The following GPC6 variants were observed in gnomAD, a reference collection of about 807,000 sequenced individuals.
The protein encoded by GPC6 is glypican 6, also known as glypican-6.
In GPC6, 14 loss-of-function variants were observed where a neutral mutation model predicts 55.2. That is an observed-to-expected ratio of 0.25 (90% confidence interval 0.17 to 0.40). The LOEUF (loss-of-function observed/expected upper bound fraction) is 0.40. Ranked by LOEUF, GPC6 falls within the 10% of genes least tolerant of loss-of-function variation. The pLI is 1.00. For synonymous variants in GPC6, 278 were observed against 259.6 expected (o/e 1.07, Z -0.68); for missense variants, 641 against 708.5 (o/e 0.90, Z 1.08).
At chr13:93,322,571 G>A (rs538059437) in intron 1 of GPC6, among the ~76,000 whole-genome samples, 45 of 151,112 alleles carry the variant, frequency 3.0e-4, no homozygotes, top group Middle Eastern at 3.4e-3. Context: ...CCAGTAGCTG[G>A]GATTACAGGT....
chr13:93,362,256 C>A (rs926810943), intron 1 of GPC6, among the ~76,000 whole-genome samples: 1 of 152,202 alleles, frequency 6.6e-6, no homozygotes, highest in Non-Finnish European at 1.5e-5. Context: ...GAGAGAATTT[C>A]TCAGTTGCCC....
At chr13:94,292,456 A>T (rs560257559) in intron 5 of GPC6, among the ~76,000 whole-genome samples, 59 of 152,366 alleles carry the variant, frequency 3.9e-4, no homozygotes, top group African/African-American at 1.4e-3. Flanking sequence ...TTCCCTTTAC[A>T]ACTATGCCTA....
intron 2 of GPC6, among the ~76,000 whole-genome samples, chr13:93,701,855 T>TA (rs1882681841): frequency 6.6e-6 from 1 of 152,024 alleles, no homozygotes; most frequent in South Asian, 2.1e-4. Flanking sequence ...CAGCCTCCAC[T>TA]TCTAACTCTA....
intron 2 of GPC6, among the ~76,000 whole-genome samples, chr13:93,752,314 C>T (rs1884622440): frequency 6.6e-6 from 1 of 151,984 alleles, no homozygotes; most frequent in African/African-American, 2.4e-5. Context: ...AGAAGACATG[C>T]CATCTTCAGG....
chr13:93,947,803 G>T (rs1231205510), intron 3 of GPC6, among the ~76,000 whole-genome samples: 7 of 151,068 alleles, frequency 4.6e-5, no homozygotes, highest in Non-Finnish European at 1.0e-4. Flanking sequence ...TATAGATTGT[G>T]GAAACCTTGA....
chr13:94,000,902 T>C (rs1358328714), intron 3 of GPC6, among the ~76,000 whole-genome samples: 2 of 152,178 alleles, frequency 1.3e-5, no homozygotes, highest in Non-Finnish European at 2.9e-5. Flanking sequence ...GGGGACTTAC[T>C]AAGGAGCACC....
chr13:93,974,460 G>C lies in GPC6; in HGVS notation c.712-53269G>C, dbSNP rs528537558. Reference sequence around the variant, plus strand: ...TACACTTCCAGAATGTATTCACTTAGTATCTATAGTTACACATTCTAATGT... The same window carrying C: ...TACACTTCCAGAATGTATTCACTTACTATCTATAGTTACACATTCTAATGT... On this transcript the variant is annotated intron_variant, in intron 3 of 8. Transcript: ENST00000377047. Among the ~76,000 whole-genome samples, 16 of 152,146 alleles carry C rather than the reference G, an allele frequency of 1.1e-4. No homozygotes were observed. The East Asian group carries it at 3.1e-3, about 29-fold the overall frequency.
intron 2 of GPC6, among the ~76,000 whole-genome samples, chr13:93,681,225 G>T (rs369749628): frequency 2.0e-4 from 30 of 152,216 alleles, no homozygotes; most frequent in African/African-American, 6.5e-4. Context: ...ATTGCAGTAT[G>T]TTGCAATTCC....
At chr13:94,140,278 T>G (rs1887328004) in intron 4 of GPC6, among the ~76,000 whole-genome samples, 1 of 152,224 alleles carries the variant, frequency 6.6e-6, no homozygotes, top group Admixed American at 6.5e-5. Flanking sequence ...TAGTGTGTTA[T>G]GCTACTACAA....
At chr13:93,874,718 C>A (rs760876505) in intron 3 of GPC6, among the ~76,000 whole-genome samples, 2 of 151,558 alleles carry the variant, frequency 1.3e-5, no homozygotes, top group Non-Finnish European at 2.9e-5. Flanking sequence ...GCTCCTGACA[C>A]AAGCTCTTGT....
chr13:93,915,291 A>C (rs1877227644), intron 3 of GPC6, among the ~76,000 whole-genome samples: 4 of 152,228 alleles, frequency 2.6e-5, no homozygotes. Context: ...AGAAGTTATG[A>C]AACTCACCCA....
chr13:93,643,570 T>C (rs1880050835), intron 2 of GPC6, among the ~76,000 whole-genome samples: 1 of 152,038 alleles, frequency 6.6e-6, no homozygotes, highest in Non-Finnish European at 1.5e-5. Context: ...GAAAGTCTGT[T>C]TGTACAGATT....
intron 1 of GPC6, among the ~76,000 whole-genome samples, chr13:93,248,119 A>G (rs1213257274): frequency 6.6e-6 from 1 of 152,232 alleles, no homozygotes; most frequent in Non-Finnish European, 1.5e-5. Context: ...ATTCTTACTC[A>G]GAACATGCTT....
At chr13:94,040,213 C>T (rs938259017) in intron 4 of GPC6, among the ~76,000 whole-genome samples, 3 of 151,880 alleles carry the variant, frequency 2.0e-5, no homozygotes, top group Non-Finnish European at 4.4e-5. Flanking sequence ...CAAAAACCTT[C>T]CCCAAAAGGC....
chr13:93,918,290 G>A (rs913474667), intron 3 of GPC6, among the ~76,000 whole-genome samples: 2 of 152,070 alleles, frequency 1.3e-5, no homozygotes, highest in African/African-American at 2.4e-5. Flanking sequence ...AAGGACTTAA[G>A]ATTACCCTTG....
chr13:93,650,898 T>C (rs1338593588), intron 2 of GPC6, among the ~76,000 whole-genome samples: 1 of 152,236 alleles, frequency 6.6e-6, no homozygotes, highest in Admixed American at 6.5e-5. Context: ...TCTGTGTAAT[T>C]TGATGATACA....
At chr13:94,321,677 C>T (rs1876834729) in intron 6 of GPC6, among the ~76,000 whole-genome samples, 1 of 152,184 alleles carries the variant, frequency 6.6e-6, no homozygotes, top group South Asian at 2.1e-4. Context: ...AGCCCTATTT[C>T]ATTGGGCCAT....
chr13:93,536,780 A>G (rs1431928495), intron 1 of GPC6, among the ~76,000 whole-genome samples: 2 of 152,142 alleles, frequency 1.3e-5, no homozygotes, highest in Non-Finnish European at 2.9e-5. Flanking sequence ...ATACTTTTTG[A>G]AAGCTTGCCA....
chr13:94,025,185 A>G (rs1882847958), intron 3 of GPC6, among the ~76,000 whole-genome samples: 1 of 152,206 alleles, frequency 6.6e-6, no homozygotes, highest in South Asian at 2.1e-4. Flanking sequence ...AAACGTAGAA[A>G]TACCTTAGTT....
Sources: allele counts gnomAD v4.1 joint callset (sites outside exome capture counted in the v4.1 genomes callset), GRCh38; gene constraint gnomAD v4.1.1; transcripts MANE v1.5; gene names NCBI Gene and HGNC (gene_info 2026-07-23, HGNC 2026-07-21).